ERGIC1: variants seen among roughly 807,000 people sequenced by gnomAD.
The protein encoded by ERGIC1 is endoplasmic reticulum-golgi intermediate compartment 1.
ERGIC1 carries 19 observed loss-of-function variants against 38.3 expected under a neutral mutation model. The observed-to-expected ratio is 0.50, with a 90% confidence interval of 0.35 to 0.73. ERGIC1 has a LOEUF of 0.73. ERGIC1 is among the 30% of genes least tolerant of loss of function. The pLI is 0.01. For synonymous variants in ERGIC1, 124 were observed against 157.6 expected (o/e 0.79, Z 1.60); for missense variants, 294 against 389.2 (o/e 0.76, Z 2.06).
intron 4 of ERGIC1, among the ~76,000 whole-genome samples, chr5:172,912,076 CTTTTT>C (rs565096601): frequency 7.5e-6 from 1 of 132,806 alleles, no homozygotes; most frequent in Non-Finnish European, 1.6e-5. Context: ...TCTGGAGTTT[CTTTTT>C]TTTTTTTTTT....
At chr5:172,855,213 C>T (rs1322604423) in intron 1 of ERGIC1, among the ~76,000 whole-genome samples, 6 of 152,162 alleles carry the variant, frequency 3.9e-5, no homozygotes, top group Admixed American at 2.0e-4. Flanking sequence ...GGAACAATGA[C>T]GCTGGTTTCC....
At chr5:172,891,934 A>C (rs907356443) in intron 2 of ERGIC1, among the ~76,000 whole-genome samples, 1 of 152,340 alleles carries the variant, frequency 6.6e-6, no homozygotes, top group South Asian at 2.1e-4. Flanking sequence ...GCCTGTGGCC[A>C]GCCCCTGAGG....
intron 2 of ERGIC1, among the ~76,000 whole-genome samples, chr5:172,893,955 T>TATATATATATATA (rs1762650737): frequency 1.6e-5 from 1 of 64,032 alleles, no homozygotes; most frequent in African/African-American, 4.9e-5. Flanking sequence ...ATATATATAT[T>TATATATATATATA]TAAATGTCCA....
chr5:172,845,064 G>A (rs1035459591), intron 1 of ERGIC1, among the ~76,000 whole-genome samples: 6 of 152,120 alleles, frequency 3.9e-5, no homozygotes, highest in Non-Finnish European at 5.9e-5. Flanking sequence ...GGACTTGGCC[G>A]AGGTCACACA....
At chr5:172,887,903 CAG>C in intron 1 of ERGIC1, among the ~76,000 whole-genome samples, 1 of 152,268 alleles carries the variant, frequency 6.6e-6, no homozygotes, top group African/African-American at 2.4e-5. Flanking sequence ...GGAGTGGAAA[CAG>C]GAGGAGGCAG....
At chr5:172,875,366 A>G (rs1465778914) in intron 1 of ERGIC1, among the ~76,000 whole-genome samples, 2 of 152,026 alleles carry the variant, frequency 1.3e-5, no homozygotes, top group Non-Finnish European at 2.9e-5. Flanking sequence ...TCCAGATGTT[A>G]TGTCTGCACC....
At chr5:172,906,546 C>T (rs955488891) in intron 3 of ERGIC1, among the ~76,000 whole-genome samples, 3 of 152,104 alleles carry the variant, frequency 2.0e-5, no homozygotes, top group Admixed American at 1.3e-4. Flanking sequence ...CAGAGCCCAC[C>T]GTTCCTTGTG....
intron 4 of ERGIC1, among the ~76,000 whole-genome samples, chr5:172,910,759 A>G (rs1763185937): frequency 6.6e-6 from 1 of 152,102 alleles, no homozygotes; most frequent in African/African-American, 2.4e-5. Flanking sequence ...TCCTGACCTC[A>G]GGTGATCCAC....
At chr5:172,841,550 C>T (rs1277583046) in intron 1 of ERGIC1, among the ~76,000 whole-genome samples, 1 of 152,206 alleles carries the variant, frequency 6.6e-6, no homozygotes, top group Non-Finnish European at 1.5e-5. Flanking sequence ...AAACCCTATT[C>T]GAGATGAGAG....
intron 1 of ERGIC1, among the ~76,000 whole-genome samples, chr5:172,842,667 TG>T (rs1401653308): frequency 2.0e-5 from 3 of 152,214 alleles, no homozygotes; most frequent in Non-Finnish European, 4.4e-5. Flanking sequence ...CCCCACATCT[TG>T]CCAACATGTC....
intron 9 of ERGIC1, chr5:172,937,145 A>G (rs1048445500): frequency 1.3e-5 from 2 of 152,244 alleles, no homozygotes. Flanking sequence ...GGCACATAAC[A>G]TAAAGCAAAA....
At chr5:172,894,189 C>CTTTTTTTTTTTTTTTTTTTTTTTTTTT (rs755347656) in intron 2 of ERGIC1, among the ~76,000 whole-genome samples, 1 of 21,526 alleles carries the variant, frequency 4.6e-5, no homozygotes, top group African/African-American at 1.7e-4. Context: ...CCCGGTACAA[C>CTTTTTTTTTTTTTTTTTTTTTTTTTTT]TTTTTCTTTT....
At chr5:172,927,791 G>T (rs905012736) in intron 7 of ERGIC1, among the ~76,000 whole-genome samples, 1 of 152,082 alleles carries the variant, frequency 6.6e-6, no homozygotes, top group East Asian at 1.9e-4. Flanking sequence ...ACGTTGGCCA[G>T]GCTGGTCTTG....
At chr5:172,914,525 C>T (rs1163960232) in intron 4 of ERGIC1, 189 bp from the exon 5 acceptor site, 8 of 905,672 alleles carry the variant, frequency 8.8e-6, no homozygotes, top group South Asian at 4.5e-5. Flanking sequence ...CTGCCCCCCT[C>T]GCCTCACGTT....
At chr5:172,887,039 T>A (rs1287163480) in intron 1 of ERGIC1, among the ~76,000 whole-genome samples, 1 of 152,174 alleles carries the variant, frequency 6.6e-6, no homozygotes, top group African/African-American at 2.4e-5. Flanking sequence ...ACCTTTGAAC[T>A]TGGCAGCCCG....
chr5:172,911,159 G>A (rs773950479), intron 4 of ERGIC1, among the ~76,000 whole-genome samples: 1 of 152,092 alleles, frequency 6.6e-6, no homozygotes, highest in Non-Finnish European at 1.5e-5. Context: ...AGAGAACACT[G>A]GGTGCATCTC....
Position 172,924,031 on chromosome 5 carries a change from A to G in ERGIC1, c.402A>G (p.Thr134=). Reference sequence around the variant, plus strand: ...TCCCCGGCAACTTCCACGTGTCCACACACAGTGCCACAGCCCAGCCACAGA... The same window carrying G: ...TCCCCGGCAACTTCCACGTGTCCACGCACAGTGCCACAGCCCAGCCACAGA... ...NKVPGNFHVS[T]HSATAQPQNP... The change falls in exon 6 of 10, where the codon ACA becomes ACG. Residue 134 remains threonine (T), a synonymous_variant. Coordinates refer to ENST00000393784, the MANE Select transcript of ERGIC1 (RefSeq NM_001031711.3). 1 of 1,614,220 alleles carries G rather than the reference A, an allele frequency of 6.2e-7. No homozygotes were observed. The highest frequency in any genetic ancestry group is 8.5e-7 in the Non-Finnish European group (1 of 1,180,040).
chr5:172,876,602 CTT>C (rs1192870242), intron 1 of ERGIC1, among the ~76,000 whole-genome samples: 1 of 152,152 alleles, frequency 6.6e-6, no homozygotes, highest in African/African-American at 2.4e-5. Flanking sequence ...GTATAATCGA[CTT>C]ACAATAAATG....
At chr5:172,915,254 G>C in intron 5 of ERGIC1, 1 of 592,606 alleles carries the variant, frequency 1.7e-6, no homozygotes, top group East Asian at 2.8e-5. Context: ...GGGATTAAAT[G>C]AGCTAATGCA....
Sources: allele counts gnomAD v4.1 joint callset (sites outside exome capture counted in the v4.1 genomes callset), GRCh38; gene constraint gnomAD v4.1.1; transcripts MANE v1.5; gene names NCBI Gene and HGNC (gene_info 2026-07-23, HGNC 2026-07-21).